The following OVCA2 variants were observed in gnomAD, a reference collection of about 807,000 sequenced individuals.
OVCA2 encodes esterase OVCA2.
In OVCA2, 14 loss-of-function variants were observed where a neutral mutation model predicts 10.1. That is an observed-to-expected ratio of 1.39 (90% CI 0.92 to 2.17). The LOEUF (loss-of-function observed/expected upper bound fraction) is 2.17, where lower values mean the gene tolerates loss of function less well. OVCA2 is among the 30% of genes most tolerant of loss of function. OVCA2 has a pLI of 0.00. For missense variants in OVCA2, 376 were observed against 300.5 expected (o/e 1.25, Z -1.86); for synonymous variants, 201 against 134.1 (o/e 1.50, Z -3.45).
chr17:2,042,950 A>T lies in OVCA2; in HGVS notation c.530A>T (p.Asp177Val). Reference sequence around the variant, plus strand: ...TTGCCTTCGCTCCATGTTTTTGGGGACACTGACAAAGTCATCCCCTCTCAG... The same window carrying T: ...TTGCCTTCGCTCCATGTTTTTGGGGTCACTGACAAAGTCATCCCCTCTCAG... ...LSLPSLHVFG[D>V]TDKVIPSQES... Residue 177 changes from aspartate (D) to valine (V), a missense_variant, in exon 2 of 2, where the codon GAC becomes GTC. Coordinates refer to ENST00000572195, the MANE Select transcript of OVCA2 (RefSeq NM_080822.3). 6.2e-7 allele frequency: 1 copy of T among 1,614,116 alleles called. No homozygotes were observed. The highest frequency in any genetic ancestry group is 2.2e-5 in the East Asian group (1 of 44,884).
In OVCA2 at chr17:2,042,940, G is replaced by A; in HGVS notation, c.520G>A (p.Val174Ile). The stretch of plus-strand genomic sequence containing the variant: ...GCCCTTGTCATTGCCTTCGCTCCAT[G>A]TTTTTGGGGACACTGACAAAGTCAT... ...QRPLSLPSLH[V>I]FGDTDKVIPS... Residue 174 changes from valine (V) to isoleucine (I), a missense_variant, in exon 2 of 2, where the codon GTT becomes ATT. Coordinates refer to ENST00000572195, the MANE Select transcript of OVCA2 (RefSeq NM_080822.3). 1.2e-6 allele frequency: 2 copies of A among 1,614,180 alleles called. No homozygotes were observed. The highest frequency in any genetic ancestry group is 8.5e-7 in the Non-Finnish European group (1 of 1,180,028).
Position 2,042,124 on chromosome 17 carries a change from C to G in OVCA2, c.77C>G (p.Thr26Ser), listed in dbSNP as rs777971917. Residue 26 changes from threonine (T) to serine (S), a missense_variant, in exon 1 of 2, where the codon ACC (threonine) becomes AGC (serine). Thr to Ser is a moderately conservative substitution (Grantham distance 58, BLOSUM62 1). Coordinates refer to ENST00000572195, the MANE Select transcript of OVCA2 (RefSeq NM_080822.3). ...RQSERGFREK[T>S]GALRKALRGR... ...AGCGAGCGGGGCTTCCGTGAGAAGA[C>G]CGGGGCGCTGAGGAAGGCGCTGCGG... 22 of 1,560,386 alleles carry G rather than the reference C, an allele frequency of 1.4e-5. No homozygotes were observed. In the Middle Eastern group the frequency reaches 5.5e-4, roughly 39 times the overall value.
intron 1 of OVCA2, 47 bp downstream of exon 1, chr17:2,042,278 G>T: frequency 7.1e-7 from 1 of 1,400,522 alleles, no homozygotes; most frequent in Non-Finnish European, 9.2e-7. Context: ...CCTCCATCTT[G>T]TTTCGTCCCC....
Position 2,042,177 on chromosome 17 carries a change from G to T in OVCA2, c.130G>T (p.Gly44Cys). Residue 44 changes from glycine (G) to cysteine (C), a missense_variant, in exon 1 of 2, where the codon GGC becomes TGC. Gly to Cys is a radical substitution (Grantham distance 159, BLOSUM62 -3). Transcript: ENST00000572195. ...TCGCGCCGAGCTCGTGTGCCTCAGC[G>T]GCCCGCACCCGGTCCCCGACCCCCC... is the stretch of plus-strand genomic sequence containing the variant. ...RGRAELVCLS[G>C]PHPVPDPPGP... 1 of 1,456,108 alleles carries T rather than the reference G, an allele frequency of 6.9e-7. No homozygotes were observed. The allele number at this position is 1,456,108 out of a possible 1,614,324, so 90.2% of individuals were successfully genotyped here.
intron 1 of OVCA2, 153 bp downstream of exon 1, chr17:2,042,384 C>G (rs376617428): frequency 7.7e-7 from 1 of 1,291,270 alleles, no homozygotes. Context: ...CCTCTTTGCT[C>G]AAACTGCAGC....
At position 2,042,693 on chromosome 17, in the gene OVCA2, C is replaced by A. The variant is rs963611584; in HGVS notation, c.273C>A (p.Val91=). 6.5e-7 allele frequency: 1 copy of A among 1,533,246 alleles called. No homozygotes were observed. Among genetic ancestry groups the A allele is most frequent in the South Asian group, 1.3e-5 (1 of 77,372 alleles). The allele number at this position is 1,533,246 out of a possible 1,614,324, so 95.0% of individuals were successfully genotyped here. ...DVFSALEEPA[V]CRGLEESLGM... ...TCTCCGCATTGGAAGAGCCCGCCGT[C>A]TGCAGGGGCCTGGAGGAATCACTGG... Residue 91 remains valine, a synonymous_variant, in exon 2 of 2, where the codon GTC becomes GTA. Coordinates refer to ENST00000572195, the MANE Select transcript of OVCA2 (RefSeq NM_080822.3).
intron 1 of OVCA2, 125 bp from the exon 2 acceptor site, chr17:2,042,480 C>T: frequency 7.9e-6 from 11 of 1,393,090 alleles, no homozygotes; most frequent in Non-Finnish European, 9.4e-6. Context: ...TCTCATTTCC[C>T]CCAGACTTTT....
intron 1 of OVCA2, 135 bp from the exon 2 acceptor site, chr17:2,042,456 ACTCATTTCCCCCCT>A (rs893225461): frequency 9.6e-5 from 120 of 1,253,024 alleles, no homozygotes; most frequent in African/African-American, 4.8e-4. Flanking sequence ...AGGCCAATCC[ACTCATTTCCCCCCT>A]CTCATTTCCC....
In OVCA2 at chr17:2,042,762, C is replaced by T. The variant is rs977881141; in HGVS notation, c.342C>T (p.Gly114=). 6 of 1,607,518 alleles carry T rather than the reference C, an allele frequency of 3.7e-6. No homozygotes were observed. Among genetic ancestry groups the T allele is most frequent in the Admixed American group, 3.4e-5 (2 of 58,706 alleles). ...QALNRLGPFD[G]LLGFSQGAAL... is the part of the protein sequence containing the mutation. The stretch of plus-strand genomic sequence containing the variant: ...TGAACAGGCTGGGGCCTTTTGACGG[C>T]CTTCTTGGTTTCAGCCAAGGGGCTG... The change falls in exon 2 of 2, where the codon GGC becomes GGT. Residue 114 remains glycine (G), a synonymous_variant. Transcript: ENST00000572195.
chr17:2,042,561 C>T (rs2067561111), intron 1 of OVCA2, 44 bp from the exon 2 acceptor site: 4 of 1,484,910 alleles, frequency 2.7e-6, no homozygotes, highest in African/African-American at 1.4e-5. Context: ...CTTCCTGGAG[C>T]CTCCCATGCC....
In OVCA2 at chr17:2,043,018, C is replaced by G; in HGVS notation, c.598C>G (p.Leu200Val). 5.0e-6 allele frequency: 8 copies of G among 1,614,090 alleles called. No homozygotes were observed. Among genetic ancestry groups the G allele is most frequent in the Non-Finnish European group, 6.8e-6 (8 of 1,180,036 alleles). ...CAGCCAATTTCCCGGAGCCATCACC[C>G]TCACCCACTCTGGTGGCCACTTCAT... ...LASQFPGAITLTHSGGHFIPA... is the reference protein window; with the variant it reads ...LASQFPGAITVTHSGGHFIPA... Residue 200 changes from leucine (L) to valine (V), a missense_variant, in exon 2 of 2, where the codon CTC (leucine) becomes GTC (valine). Physicochemically the swap from Leu to Val is conservative, Grantham distance 32. Transcript: ENST00000572195.
chr17:2,043,234 CA>C lies in OVCA2; in HGVS notation c.*132del. 8.4e-7 allele frequency: 1 copy of C among 1,184,794 alleles called. No homozygotes were observed. Among genetic ancestry groups the C allele is most frequent in the Non-Finnish European group, 1.2e-6 (1 of 850,180 alleles). The allele number at this position is 1,184,794 out of a possible 1,614,324, so 73.4% of individuals were successfully genotyped here. ...CCAGAACCAGTTAAGAGACAACTATCAATTCTTGAGACCCAAATTATAAGGG... is the reference window on the plus strand; with the variant it reads ...CCAGAACCAGTTAAGAGACAACTATCATTCTTGAGACCCAAATTATAAGGG... On this transcript the variant is annotated 3_prime_UTR_variant, in exon 2 of 2. Coordinates refer to ENST00000572195, the MANE Select transcript of OVCA2 (RefSeq NM_080822.3).
In OVCA2 at chr17:2,042,937, C is replaced by G; in HGVS notation, c.517C>G (p.His173Asp). ...AAGGCCCTTGTCATTGCCTTCGCTC[C>G]ATGTTTTTGGGGACACTGACAAAGT... Reference protein sequence around the residue: ...LQRPLSLPSLHVFGDTDKVIP... With the variant: ...LQRPLSLPSLDVFGDTDKVIP... Residue 173 changes from histidine (H) to aspartate (D), a missense_variant, in exon 2 of 2, where the codon CAT becomes GAT. By Grantham distance (81) the His-to-Asp change is moderately conservative. Coordinates refer to ENST00000572195, the MANE Select transcript of OVCA2 (RefSeq NM_080822.3). The G allele has an allele frequency of 1.2e-6, 2 of 1,614,144 alleles. No homozygotes were observed. The highest frequency in any genetic ancestry group is 1.7e-6 in the Non-Finnish European group (2 of 1,180,026).
rs1458217881 is a variant in OVCA2, at chr17:2,043,402, C to T, written c.*298C>T. The stretch of plus-strand genomic sequence containing the variant: ...CAGAGGCTGGCACCATGGTGACTGC[C>T]ACATAATAAAGTGGTGATTTGGATT... On this transcript the variant is annotated 3_prime_UTR_variant, in exon 2 of 2. Transcript: ENST00000572195. 4 of 349,012 alleles carry T rather than the reference C, an allele frequency of 1.1e-5. No homozygotes were observed. Among genetic ancestry groups the T allele is most frequent in the African/African-American group, 2.1e-5 (1 of 47,868 alleles). 21.6% of individuals were successfully genotyped at this position (349,012 alleles called of 1,614,324 possible). A position where few individuals can be genotyped will look rare whatever the true frequency, so the allele number is the denominator to read the frequency against.
In OVCA2 at chr17:2,043,048, G is replaced by A. The variant is rs200430646; in HGVS notation, c.628G>A (p.Ala210Thr). ...LTHSGGHFIP[A>T]AAPQRQAYLK... ...CCACTCTGGTGGCCACTTCATTCCA[G>A]CAGCTGCACCCCAGCGTCAGGCCTA... Residue 210 changes from alanine to threonine, a missense_variant, in exon 2 of 2, where the codon GCA becomes ACA. Coordinates refer to ENST00000572195, the MANE Select transcript of OVCA2 (RefSeq NM_080822.3). 3.6e-5 allele frequency: 58 copies of A among 1,613,868 alleles called. No individual in the cohort carries two copies. Among genetic ancestry groups the A allele is most frequent in the Non-Finnish European group, 4.7e-5 (56 of 1,180,030 alleles).
In OVCA2 at chr17:2,042,582, C is replaced by A. The variant is rs73294249; in HGVS notation, c.185-23C>A. 2.7e-3 allele frequency: 4,131 copies of A among 1,508,462 alleles called. 99 individuals carry two copies. In the African/African-American group the frequency reaches 0.049, roughly 18 times the overall value. The allele number at this position is 1,508,462 out of a possible 1,614,324, so 93.4% of individuals were successfully genotyped here. A position where few individuals can be genotyped will look rare whatever the true frequency, so the allele number is the denominator to read the frequency against. On this transcript the variant is annotated intron_variant, in intron 1 of 1. Coordinates refer to ENST00000572195, the MANE Select transcript of OVCA2 (RefSeq NM_080822.3). ...GGAGCCTCCCATGCCCTAATCCCAT[C>A]CTTTTTCCTCATATCGCTGTAGGGT...
At chr17:2,042,431 C>A (rs2067556671) in intron 1 of OVCA2, 174 bp from the exon 2 acceptor site, 1 of 1,253,950 alleles carries the variant, frequency 8.0e-7, no homozygotes, top group African/African-American at 1.6e-5. Flanking sequence ...CGTCTTCCTC[C>A]GCTGTCTCCT....
At chr17:2,042,412 C>A in intron 1 of OVCA2, 181 bp downstream of exon 1, 1 of 1,242,224 alleles carries the variant, frequency 8.1e-7, no homozygotes, top group Non-Finnish European at 1.1e-6. Flanking sequence ...CCCAGGCTTC[C>A]GCCTTCACCG....
In OVCA2 at chr17:2,042,641, GGTTTTCAGAGCAGGAGGCCGAC is replaced by G. The variant is rs1010289287; in HGVS notation, c.228_249del (p.Glu77ProfsTer23). ...CCGGAGGAGCAGCCTCGAGGCTGGT[GGTTTTCAGAGCAGGAGGCCGAC>G]GTTTTCTCCGCATTGGAAGAGCCCG... On this transcript the variant is annotated frameshift_variant, in exon 2 of 2. Transcript: ENST00000572195. LOFTEE classifies it high-confidence loss of function. The G allele has an allele frequency of 9.2e-6, 14 of 1,521,390 alleles. No homozygotes were observed. The highest frequency in any genetic ancestry group is 1.4e-5 in the African/African-American group (1 of 71,720). 94.2% of individuals were successfully genotyped at this position (1,521,390 alleles called of 1,614,324 possible).
Sources: gnomAD v4.1 joint callset for allele counts on GRCh38, gnomAD v4.1.1 for gene constraint, MANE v1.5 for transcripts, NCBI Gene and HGNC (gene_info 2026-07-23, HGNC 2026-07-21) for gene names.